Variants in CEP41 observed in about 807,000 individuals in gnomAD.
CEP41 encodes the protein centrosomal protein of 41 kDa.
Under a neutral mutation model 44.3 loss-of-function variants are expected in CEP41, and 32 were observed. The ratio of observed to expected loss-of-function variants is 0.72; its 90% CI spans 0.54 to 0.97. CEP41 has a LOEUF of 0.97. Ranked by LOEUF, CEP41 falls within the 50% of genes least tolerant of loss-of-function variation. The pLI is 0.00. For synonymous variants in CEP41, 151 were observed against 168.5 expected (o/e 0.90, Z 0.80); for missense variants, 432 against 455.2 (o/e 0.95, Z 0.46).
chr7:130,406,791 G>C (rs1797023755), intron 5 of CEP41, among the ~76,000 whole-genome samples: 1 of 151,112 alleles, frequency 6.6e-6, no homozygotes, highest in South Asian at 2.1e-4. Flanking sequence ...CTCATATACA[G>C]TAACAACTGC....
At chr7:130,426,663 C>T (rs1562993342) in intron 2 of CEP41, 4 of 455,950 alleles carry the variant, frequency 8.8e-6, no homozygotes, top group African/African-American at 8.0e-5. Flanking sequence ...GGGTGGATCA[C>T]AGTTGCAATT....
In CEP41 at chr7:130,396,008, T is replaced by C. The variant is rs1421487110; in HGVS notation, c.*2883A>G. The C allele has an allele frequency of 6.6e-6, 3 of 453,980 alleles. No individual in the cohort carries two copies. Among genetic ancestry groups the C allele is most frequent in the African/African-American group, 4.0e-5 (2 of 50,012 alleles). 28.1% of individuals were successfully genotyped at this position (453,980 alleles called of 1,614,324 possible). ...TCCTTTTGTTTTCAAATAAGTAATG[T>C]AGCTTTCTCCTTTCTCTCTCGCTTT... On this transcript the variant is annotated 3_prime_UTR_variant, in exon 11 of 11. Coordinates refer to ENST00000223208, the MANE Select transcript of CEP41 (RefSeq NM_018718.3).
chr7:130,437,655 C>T (rs1359434862), intron 1 of CEP41, among the ~76,000 whole-genome samples: 1 of 150,774 alleles, frequency 6.6e-6, no homozygotes, highest in African/African-American at 2.4e-5. Flanking sequence ...CACCTGTGGT[C>T]CCAGCTACTC....
rs1554417288 is a variant in CEP41, at chr7:130,402,719, T to C, written c.503A>G (p.Tyr168Cys). The C allele has an allele frequency of 1.9e-6, 3 of 1,614,152 alleles. No individual in the cohort carries two copies. The South Asian group carries it at 3.3e-5, about 18-fold the overall frequency. Residue 168 changes from tyrosine to cysteine, a missense_variant, in exon 7 of 11, where the codon TAT becomes TGT. Physicochemically the swap from Tyr to Cys is radical, Grantham distance 194. Coordinates refer to ENST00000223208, the MANE Select transcript of CEP41 (RefSeq NM_018718.3). Reference protein sequence around the residue: ...KAEPHTKDKPYPDCPFLLLDV... With the variant: ...KAEPHTKDKPCPDCPFLLLDV... ...TAGCAGCAGGAAGGGGCAGTCAGGATAAGGTTTGTCTTTGGTATGGGGCTC... is the reference window on the plus strand; with the variant it reads ...TAGCAGCAGGAAGGGGCAGTCAGGACAAGGTTTGTCTTTGGTATGGGGCTC...
In CEP41 at chr7:130,437,782, AAAAAAAGAAAAAG is replaced by A. The variant is rs1236964263; in HGVS notation, c.33+3139_33+3151del. Among the ~76,000 whole-genome samples the A allele has an allele frequency of 3.8e-4, 52 of 135,928 alleles. 1 individual carries two copies. The highest frequency in any genetic ancestry group is 1.1e-3 in the African/African-American group (39 of 35,270). 89.2% of individuals were successfully genotyped at this position (135,928 alleles called of 152,430 possible). A position where few individuals can be genotyped will look rare whatever the true frequency, so the allele number is the denominator to read the frequency against. On this transcript the variant is annotated intron_variant, in intron 1 of 10. Coordinates refer to ENST00000223208, the MANE Select transcript of CEP41 (RefSeq NM_018718.3). ...ACTGTCTCAAAAAAAAAAAAAAAAAAAAAAAAGAAAAAGAAAAAAAAAGATGTTGATGATTTTC... is the reference window on the plus strand; with the variant it reads ...ACTGTCTCAAAAAAAAAAAAAAAAAAAAAAAAAAAGATGTTGATGATTTTC...
intron 9 of CEP41, 30 bp from the exon 10 acceptor site, chr7:130,400,284 G>GCA (rs782665416): frequency 6.5e-7 from 1 of 1,536,826 alleles, no homozygotes; most frequent in South Asian, 1.1e-5. Flanking sequence ...AGAAAAAGCT[G>GCA]CATTAATATG....
chr7:130,429,441 G>A (rs1797762419), intron 1 of CEP41, among the ~76,000 whole-genome samples: 2 of 152,206 alleles, frequency 1.3e-5, no homozygotes, highest in African/African-American at 4.8e-5. Context: ...ATTAAGTGAG[G>A]AGAAGCTAAT....
chr7:130,423,526 G>C (rs1797571416), intron 2 of CEP41, among the ~76,000 whole-genome samples: 1 of 152,216 alleles, frequency 6.6e-6, no homozygotes, highest in Non-Finnish European at 1.5e-5. Flanking sequence ...CTGGGAATGT[G>C]AAGTGGTGTG....
rs1796856224 is a variant in CEP41, at chr7:130,401,938, G to C, written c.585C>G (p.Tyr195Ter). ...QQCHIVGAYS[Y>*]PIATLSRTMN... ...TTGTTCTAGACAGAGTTGCAATTGG[G>C]TAACTGTAAGCTGCAAAGAGAAGAA... The change falls in exon 8 of 11, where the codon TAC (tyrosine) becomes TAG (stop). Residue 195 changes from tyrosine to a stop codon, truncating the protein, a stop_gained. Transcript: ENST00000223208. LOFTEE classifies it high-confidence loss of function. 6.2e-7 allele frequency: 1 copy of C among 1,609,262 alleles called. No homozygotes were observed. Among genetic ancestry groups the C allele is most frequent in the East Asian group, 2.2e-5 (1 of 44,862 alleles).
chr7:130,403,155 G>A (rs1000405686), intron 6 of CEP41, among the ~76,000 whole-genome samples: 1 of 152,212 alleles, frequency 6.6e-6, no homozygotes, highest in Non-Finnish European at 1.5e-5. Flanking sequence ...CCAGTAGAGC[G>A]AAAGAGGGAA....
At position 130,413,060 on chromosome 7, in the gene CEP41, C is replaced by T. The variant is rs534738250; in HGVS notation, c.146-820G>A. 5.3e-5 allele frequency among the ~76,000 whole-genome samples: 8 copies of T among 151,316 alleles called. No individual in the cohort carries two copies. The South Asian group carries it at 6.3e-4, about 12-fold the overall frequency. On this transcript the variant is annotated intron_variant, in intron 3 of 10. Transcript: ENST00000223208. ...AGGCTGGAGTGCAGTGGTGTGATCTCGGCTCTCTGCCACCTCCGCCTCTCA... is the reference window on the plus strand; with the variant it reads ...AGGCTGGAGTGCAGTGGTGTGATCTTGGCTCTCTGCCACCTCCGCCTCTCA...
intron 2 of CEP41, chr7:130,422,129 T>G (rs1554422366): frequency 8.6e-7 from 1 of 1,168,720 alleles, no homozygotes; most frequent in Non-Finnish European, 1.2e-6. Context: ...AAAATAATCT[T>G]TAACCAGGAG....
At position 130,398,604 on chromosome 7, in the gene CEP41, G is replaced by A. The variant is rs1796743356; in HGVS notation, c.*287C>T. 3 of 590,512 alleles carry A rather than the reference G, an allele frequency of 5.1e-6. No individual in the cohort carries two copies. Among genetic ancestry groups the A allele is most frequent in the East Asian group, 7.7e-5 (2 of 26,050 alleles). 36.6% of individuals were successfully genotyped at this position (590,512 alleles called of 1,614,324 possible). On this transcript the variant is annotated 3_prime_UTR_variant, in exon 11 of 11. Coordinates refer to ENST00000223208, the MANE Select transcript of CEP41 (RefSeq NM_018718.3). ...ACAAAACAAAAAAACTAAAAACGTA[G>A]ATACTTTTTTCCTATACAGTTTCAC...
rs886062002 is a variant in CEP41 at position 130,441,007 on chromosome 7, G to A, written c.-41C>T. 3.7e-6 allele frequency: 6 copies of A among 1,608,968 alleles called. No individual in the cohort carries two copies. Among genetic ancestry groups the A allele is most frequent in the Non-Finnish European group, 5.1e-6 (6 of 1,177,718 alleles). On this transcript the variant is annotated 5_prime_UTR_variant, in exon 1 of 11. Coordinates refer to ENST00000223208, the MANE Select transcript of CEP41 (RefSeq NM_018718.3). Reference sequence around the variant, plus strand: ...CCACGTTCGGGGTTCTAGCCTCACGGGTTGCCTCTAACCCTAGCTTCCTAC... The same window carrying A: ...CCACGTTCGGGGTTCTAGCCTCACGAGTTGCCTCTAACCCTAGCTTCCTAC...
In CEP41 at chr7:130,396,375, A is replaced by G; in HGVS notation, c.*2516T>C. The G allele has an allele frequency of 4.4e-6, 2 of 454,172 alleles. No individual in the cohort carries two copies. The highest frequency in any genetic ancestry group is 1.6e-5 in the South Asian group (1 of 64,470). The allele number at this position is 454,172 out of a possible 1,614,324, so 28.1% of individuals were successfully genotyped here. ...CTGGAGAGCTGAGGCCCCCTGCCCT[A>G]ATTGGACTGATTTCCTGATTCATTT... On this transcript the variant is annotated 3_prime_UTR_variant, in exon 11 of 11. Coordinates refer to ENST00000223208, the MANE Select transcript of CEP41 (RefSeq NM_018718.3).
chr7:130,400,899 G>A (rs1796824371), intron 8 of CEP41, 78 bp from the exon 9 acceptor site: 3 of 940,622 alleles, frequency 3.2e-6, no homozygotes. Flanking sequence ...AGGAATAAAA[G>A]GTCAGGTCCA....
Position 130,399,004 on chromosome 7 carries a change from A to T in CEP41, c.1009T>A (p.Ser337Thr). Residue 337 changes from serine (S) to threonine (T), a missense_variant, in exon 11 of 11, where the codon TCC becomes ACC. By Grantham distance (58) the Ser-to-Thr change is moderately conservative. Coordinates refer to ENST00000223208, the MANE Select transcript of CEP41 (RefSeq NM_018718.3). ...LNQANSSGRESKVPGARSAQN... is the reference protein window; with the variant it reads ...LNQANSSGRETKVPGARSAQN... ...GCGCTTCGGGCACCAGGCACCTTGG[A>T]CTCTCTTCCGGAGGAGTTAGCTTGG... 1 of 1,614,066 alleles carries T rather than the reference A, an allele frequency of 6.2e-7. No individual in the cohort carries two copies. The highest frequency in any genetic ancestry group is 1.1e-5 in the South Asian group (1 of 91,082).
At chr7:130,440,845 G>T in intron 1 of CEP41, 89 bp downstream of exon 1, 1 of 1,451,606 alleles carries the variant, frequency 6.9e-7, no homozygotes, top group Non-Finnish European at 9.5e-7. Flanking sequence ...TCCGGGCGGC[G>T]GAAGTCGCTG....
intron 2 of CEP41, chr7:130,421,438 T>C: frequency 4.1e-6 from 4 of 985,384 alleles, no homozygotes; most frequent in Non-Finnish European, 4.8e-6. Context: ...ATAAGTGATA[T>C]GTGTGTATAG....
Sources: allele counts gnomAD v4.1 joint callset (sites outside exome capture counted in the v4.1 genomes callset), GRCh38; gene constraint gnomAD v4.1.1; transcripts MANE v1.5; gene names NCBI Gene and HGNC (gene_info 2026-07-23, HGNC 2026-07-21).